Variants in ERH observed in about 807,000 individuals in gnomAD.
ERH encodes the protein ERH mRNA splicing and mitosis factor.
In ERH, 1 loss-of-function variant was observed where a neutral mutation model predicts 16.8. That is an observed-to-expected ratio of 0.06 (90% confidence interval 0.02 to 0.28). ERH has a LOEUF of 0.28. Ranked by LOEUF, ERH falls within the 10% of genes least tolerant of loss-of-function variation. ERH has a pLI of 1.00. For synonymous variants in ERH, 43 were observed against 43.6 expected (o/e 0.99, Z 0.05); for missense variants, 42 against 127.5 (o/e 0.33, Z 3.23).
At chr14:69,381,022 C>T (rs1263143705) in intron 3 of ERH, among the ~76,000 whole-genome samples, 1 of 152,176 alleles carries the variant, frequency 6.6e-6, no homozygotes, top group African/African-American at 2.4e-5. Context: ...GTGGCTCATG[C>T]CTGTAATCCC....
At chr14:69,394,552 G>A (rs889143965) in intron 2 of ERH, among the ~76,000 whole-genome samples, 5 of 152,186 alleles carry the variant, frequency 3.3e-5, no homozygotes, top group South Asian at 2.1e-4. Context: ...AGCCGAGATC[G>A]CATTACTGCA....
At chr14:69,392,558 T>C (rs1882243372) in intron 2 of ERH, among the ~76,000 whole-genome samples, 1 of 152,140 alleles carries the variant, frequency 6.6e-6, no homozygotes, top group Non-Finnish European at 1.5e-5. Context: ...ACAAGAAATG[T>C]TTAGGGCAGG....
At chr14:69,391,355 T>C (rs982977562) in intron 2 of ERH, among the ~76,000 whole-genome samples, 2 of 151,962 alleles carry the variant, frequency 1.3e-5, no homozygotes, top group Non-Finnish European at 2.9e-5. Flanking sequence ...AAAAGCATAC[T>C]GCTAGGTTGG....
chr14:69,381,811 C>A (rs2045865216), intron 3 of ERH, among the ~76,000 whole-genome samples: 1 of 152,138 alleles, frequency 6.6e-6, no homozygotes, highest in African/African-American at 2.4e-5. Flanking sequence ...GCCTCAGCCT[C>A]CTGAGTAGGT....
At chr14:69,381,034 G>C (rs934468510) in intron 3 of ERH, among the ~76,000 whole-genome samples, 1 of 152,202 alleles carries the variant, frequency 6.6e-6, no homozygotes, top group African/African-American at 2.4e-5. Context: ...TGTAATCCCA[G>C]CACTTTGGGA....
Position 69,380,379 on chromosome 14 carries a change from G to C in ERH, c.*159C>G. 1 of 442,432 alleles carries C rather than the reference G, an allele frequency of 2.3e-6. No individual in the cohort carries two copies. Among genetic ancestry groups the C allele is most frequent in the Non-Finnish European group, 4.0e-6 (1 of 248,136 alleles). The allele number at this position is 442,432 out of a possible 1,614,324, so 27.4% of individuals were successfully genotyped here. Reference sequence around the variant, plus strand: ...AAAAGAGGAGGTAACGGGGGTTTCCGATTGAACAAGATCCTCACATTTCAT... The same window carrying C: ...AAAAGAGGAGGTAACGGGGGTTTCCCATTGAACAAGATCCTCACATTTCAT... On this transcript the variant is annotated 3_prime_UTR_variant, in exon 4 of 4. Coordinates refer to ENST00000557016, the MANE Select transcript of ERH (RefSeq NM_004450.3).
chr14:69,391,707 G>A (rs1444133192), intron 2 of ERH, among the ~76,000 whole-genome samples: 1 of 139,768 alleles, frequency 7.2e-6, no homozygotes, highest in Non-Finnish European at 1.5e-5. Context: ...AAAGCAGCCA[G>A]TCTGAAAAGG....
chr14:69,393,205 TACTGAGGAG>T (rs1333667398), intron 2 of ERH, among the ~76,000 whole-genome samples: 4 of 152,276 alleles, frequency 2.6e-5, no homozygotes, highest in Middle Eastern at 3.4e-3. Flanking sequence ...TAGTCCCAGC[TACTGAGGAG>T]ACTGAGGAAG....
Position 69,394,843 on chromosome 14 carries a change from C to T in ERH, c.73G>A (p.Val25Met). The T allele has an allele frequency of 6.2e-7, 1 of 1,613,170 alleles. No individual in the cohort carries two copies. Among genetic ancestry groups the T allele is most frequent in the Non-Finnish European group, 8.5e-7 (1 of 1,179,348 alleles). Residue 25 changes from valine to methionine, a missense_variant, in exon 2 of 4, where the codon GTG becomes ATG. Transcript: ENST00000557016. ...AACTCACCTTCCATGCATTCATTCA[C>T]AGATTCGTAGTCAGCATAAGTTCTG... The part of the protein sequence containing the change: ...EGRTYADYES[V>M]NECMEGVCKM...
At position 69,387,134 on chromosome 14, in the gene ERH, A is replaced by G. The variant is rs1007655477; in HGVS notation, c.92-51T>C. ...AAATCTTACAATCGCATACACTTCT[A>G]GATATGAGCAGTGCTTATGAGCTGT... On this transcript the variant is annotated intron_variant, in intron 2 of 3. Transcript: ENST00000557016. 5.3e-6 allele frequency: 8 copies of G among 1,512,674 alleles called. No homozygotes were observed. In the African/African-American group the frequency reaches 9.6e-5, roughly 18 times the overall value. The allele number at this position is 1,512,674 out of a possible 1,614,324, so 93.7% of individuals were successfully genotyped here. A position where few individuals can be genotyped will look rare whatever the true frequency, so the allele number is the denominator to read the frequency against.
chr14:69,385,350 T>C (rs908136251), intron 3 of ERH, among the ~76,000 whole-genome samples: 1 of 152,190 alleles, frequency 6.6e-6, no homozygotes, highest in African/African-American at 2.4e-5. Context: ...GCTTATTTCT[T>C]ACTTTTCCAC....
At chr14:69,389,767 G>A (rs1352662734) in intron 2 of ERH, among the ~76,000 whole-genome samples, 1 of 152,098 alleles carries the variant, frequency 6.6e-6, no homozygotes, top group Non-Finnish European at 1.5e-5. Flanking sequence ...AAAATGTCAT[G>A]GAAGGACTCT....
rs1425093013 is a variant in ERH at position 69,394,812 on chromosome 14, G to C, written c.91+13C>G. Reference sequence around the variant, plus strand: ...GAGACATTTTTCTACCCCTTGATTAGTGTTAAACTCACCTTCCATGCATTC... The same window carrying C: ...GAGACATTTTTCTACCCCTTGATTACTGTTAAACTCACCTTCCATGCATTC... On this transcript the variant is annotated intron_variant, in intron 2 of 3. Coordinates refer to ENST00000557016, the MANE Select transcript of ERH (RefSeq NM_004450.3). The C allele has an allele frequency of 6.3e-7, 1 of 1,594,868 alleles. No individual in the cohort carries two copies. Among genetic ancestry groups the C allele is most frequent in the Non-Finnish European group, 8.6e-7 (1 of 1,165,490 alleles).
chr14:69,395,845 G>GT lies in ERH; in HGVS notation c.4-934dup, dbSNP rs536929404. On this transcript the variant is annotated intron_variant, in intron 1 of 3. Coordinates refer to ENST00000557016, the MANE Select transcript of ERH (RefSeq NM_004450.3). ...ATATTAGAATCACACAGAAAGTTAG[G>GT]TCATCACACTATGAGAAATGTGAAA... is the stretch of plus-strand genomic sequence containing the variant. Among the ~76,000 whole-genome samples, 329 of 152,296 alleles carry GT rather than the reference G, an allele frequency of 2.2e-3. 1 individual carries two copies. The highest frequency in any genetic ancestry group is 7.5e-3 in the African/African-American group (310 of 41,556).
chr14:69,391,605 G>A (rs1417936438), intron 2 of ERH, among the ~76,000 whole-genome samples: 2 of 129,230 alleles, frequency 1.5e-5, no homozygotes, highest in Non-Finnish European at 3.1e-5. Flanking sequence ...CTGAGATTAC[G>A]TCACAGCATT....
chr14:69,397,716 C>G (rs530014728), intron 1 of ERH, among the ~76,000 whole-genome samples: 34 of 152,042 alleles, frequency 2.2e-4, no homozygotes, highest in Non-Finnish European at 4.1e-4. Flanking sequence ...GTCAGGAGTT[C>G]GAGACCAGCC....
chr14:69,386,008 G>A (rs941610122), intron 3 of ERH, among the ~76,000 whole-genome samples: 1 of 152,180 alleles, frequency 6.6e-6, no homozygotes, highest in Non-Finnish European at 1.5e-5. Context: ...TACACTAGCT[G>A]TCCCTCATCC....
Position 69,394,745 on chromosome 14 carries a change from T to C in ERH, c.91+80A>G, listed in dbSNP as rs1264106686. The stretch of plus-strand genomic sequence containing the variant: ...GCAGGGCCTGGGGTGGATGGACTAT[T>C]AAAAAAAAAAAATTTGGAGGGGAAA... On this transcript the variant is annotated intron_variant, in intron 2 of 3. Transcript: ENST00000557016. 2.6e-5 allele frequency: 21 copies of C among 813,530 alleles called. No homozygotes were observed. In the South Asian group the frequency reaches 3.3e-4, roughly 13 times the overall value. 50.4% of individuals were successfully genotyped at this position (813,530 alleles called of 1,614,324 possible). A position where few individuals can be genotyped will look rare whatever the true frequency, so the allele number is the denominator to read the frequency against.
chr14:69,382,801 A>C (rs2045870800), intron 3 of ERH, among the ~76,000 whole-genome samples: 1 of 152,014 alleles, frequency 6.6e-6, no homozygotes, highest in African/African-American at 2.4e-5. Context: ...AAAGAAAAAA[A>C]AAAAAAAAGC....
Sources: gnomAD v4.1 joint callset for allele counts (sites outside exome capture counted in the v4.1 genomes callset) on GRCh38, gnomAD v4.1.1 for gene constraint, MANE v1.5 for transcripts, NCBI Gene and HGNC (gene_info 2026-07-23, HGNC 2026-07-21) for gene names.